Variants in POC1A observed in about 807,000 individuals in gnomAD.
POC1A encodes POC1 centriolar protein homolog A.
POC1A carries 34 observed loss-of-function variants against 47.8 expected under a neutral mutation model. That is an observed-to-expected ratio of 0.71 (90% confidence interval 0.54 to 0.95). The LOEUF (loss-of-function observed/expected upper bound fraction) is 0.95, where lower values mean the gene tolerates loss of function less well. Among genes scored for constraint, POC1A ranks in the 40% least tolerant of loss-of-function variants. The pLI is 0.00. For missense variants in POC1A, 466 were observed against 528.3 expected, an observed-to-expected ratio of 0.88 and a Z score of 1.16; for synonymous variants, 177 against 207.6, an observed-to-expected ratio of 0.85 and a Z score of 1.27.
chr3:52,105,390 C>G (rs1219479859), intron 9 of POC1A, among the ~76,000 whole-genome samples: 3 of 152,244 alleles, frequency 2.0e-5, no homozygotes, highest in Non-Finnish European at 4.4e-5. Context: ...TTTCTTAGTC[C>G]TGGCCTCAGG....
intron 9 of POC1A, among the ~76,000 whole-genome samples, chr3:52,119,895 G>A (rs1415944341): frequency 6.6e-6 from 1 of 152,216 alleles, no homozygotes; most frequent in South Asian, 2.1e-4. Context: ...GCCAGTACAT[G>A]GACAGTGCTG....
At chr3:52,117,899 T>C (rs1703625816) in intron 9 of POC1A, among the ~76,000 whole-genome samples, 1 of 152,186 alleles carries the variant, frequency 6.6e-6, no homozygotes, top group Non-Finnish European at 1.5e-5. Context: ...GTCCGTCCTA[T>C]AGTGGCAGGG....
chr3:52,124,649 T>C (rs113250215), intron 8 of POC1A, among the ~76,000 whole-genome samples: 57 of 152,284 alleles, frequency 3.7e-4, no homozygotes, highest in Middle Eastern at 6.8e-3. Context: ...AGTTTCCTCA[T>C]CTACCGCACG....
At chr3:52,151,501 C>T (rs1698554427) in intron 1 of POC1A, among the ~76,000 whole-genome samples, 1 of 151,544 alleles carries the variant, frequency 6.6e-6, no homozygotes, top group South Asian at 2.1e-4. Context: ...ATCCCAGTTA[C>T]TCAGGAGGCT....
chr3:52,085,137 G>A (rs944051575), intron 10 of POC1A, among the ~76,000 whole-genome samples: 3 of 152,134 alleles, frequency 2.0e-5, no homozygotes, highest in South Asian at 2.1e-4. Context: ...CCCCCCTGGC[G>A]GCCACACTGG....
At chr3:52,142,506 G>A (rs943807263) in intron 6 of POC1A, among the ~76,000 whole-genome samples, 21 of 152,204 alleles carry the variant, frequency 1.4e-4, no homozygotes, top group Non-Finnish European at 2.6e-4. Context: ...GCAGGAACAG[G>A]AAGTGCCCTC....
At chr3:52,104,471 G>A (rs746777888) in intron 9 of POC1A, among the ~76,000 whole-genome samples, 8 of 152,160 alleles carry the variant, frequency 5.3e-5, no homozygotes, top group Non-Finnish European at 1.0e-4. Flanking sequence ...GTTACTATTC[G>A]TAAATTATAA....
At chr3:52,128,001 T>C (rs1194125464) in intron 7 of POC1A, among the ~76,000 whole-genome samples, 1 of 152,164 alleles carries the variant, frequency 6.6e-6, no homozygotes, top group Non-Finnish European at 1.5e-5. Context: ...TGGCCTACTT[T>C]GAATTTTTTA....
intron 5 of POC1A, 126 bp downstream of exon 5, chr3:52,146,862 G>C (rs1698380456): frequency 5.3e-6 from 4 of 759,232 alleles, no homozygotes; most frequent in Non-Finnish European, 9.3e-6. Flanking sequence ...ACCAGACAAG[G>C]GGCAGCAGTG....
At chr3:52,078,912 C>T (rs978411437) in intron 10 of POC1A, among the ~76,000 whole-genome samples, 1 of 152,246 alleles carries the variant, frequency 6.6e-6, no homozygotes, top group African/African-American at 2.4e-5. Context: ...AGTGGAGACA[C>T]ACTCAGGGCT....
intron 10 of POC1A, among the ~76,000 whole-genome samples, chr3:52,080,213 C>A (rs888190256): frequency 2.0e-5 from 3 of 152,206 alleles, no homozygotes; most frequent in African/African-American, 7.2e-5. Flanking sequence ...GGCTGTGAGC[C>A]TAGGTGGCCT....
At chr3:52,151,367 G>A (rs1417864388) in intron 1 of POC1A, among the ~76,000 whole-genome samples, 2 of 151,944 alleles carry the variant, frequency 1.3e-5, no homozygotes, top group Non-Finnish European at 2.9e-5. Flanking sequence ...ACAAAATCAA[G>A]ACACAAAAAT....
intron 7 of POC1A, among the ~76,000 whole-genome samples, chr3:52,127,491 C>T (rs1446689087): frequency 6.7e-6 from 1 of 150,024 alleles, no homozygotes; most frequent in African/African-American, 2.5e-5. Flanking sequence ...CCTGGGTTCA[C>T]GCCATTCTCC....
intron 7 of POC1A, among the ~76,000 whole-genome samples, chr3:52,125,833 C>T (rs879185914): frequency 2.0e-5 from 3 of 152,306 alleles, no homozygotes. Context: ...TGAAGGTCTG[C>T]GTGACCATCT....
In POC1A at chr3:52,145,906, T is replaced by G. The variant is rs749016718; in HGVS notation, c.619A>C (p.Met207Leu). ...PSGTCIAAAG[M>L]DNTVKVWDVR... Reference sequence around the variant, plus strand: ...TCCCACACCTTCACTGTGTTGTCCATGCCGGCAGCGGCAATGCACGTCCCA... The same window carrying G: ...TCCCACACCTTCACTGTGTTGTCCAGGCCGGCAGCGGCAATGCACGTCCCA... The change falls in exon 6 of 11, where the codon ATG becomes CTG. Residue 207 changes from methionine to leucine, a missense_variant. By Grantham distance (15) the Met-to-Leu change is conservative. Coordinates refer to ENST00000296484, the MANE Select transcript of POC1A (RefSeq NM_015426.5). 1.2e-6 allele frequency: 2 copies of G among 1,614,034 alleles called. No individual in the cohort carries two copies. The highest frequency in any genetic ancestry group is 1.7e-6 in the Non-Finnish European group (2 of 1,179,984).
At chr3:52,083,097 G>A (rs1357974101) in intron 10 of POC1A, among the ~76,000 whole-genome samples, 2 of 152,126 alleles carry the variant, frequency 1.3e-5, no homozygotes, top group African/African-American at 4.8e-5. Context: ...GGGTGGCTGG[G>A]GGGAGAGCCT....
intron 9 of POC1A, among the ~76,000 whole-genome samples, chr3:52,097,506 A>G (rs1702860498): frequency 1.3e-5 from 2 of 152,194 alleles, no homozygotes; most frequent in Admixed American, 1.3e-4. Context: ...AGTGCTGTGC[A>G]CATGTTCAGT....
intron 10 of POC1A, among the ~76,000 whole-genome samples, chr3:52,093,433 A>G (rs538546590): frequency 6.6e-6 from 1 of 152,218 alleles, no homozygotes; most frequent in South Asian, 2.1e-4. Flanking sequence ...TGGGAGAGCT[A>G]TTTCTGGTGC....
rs201766579 is a variant in POC1A, at chr3:52,119,393, C to CT, written c.981+2985dup. On this transcript the variant is annotated intron_variant, in intron 9 of 10. Coordinates refer to ENST00000296484, the MANE Select transcript of POC1A (RefSeq NM_015426.5). The stretch of plus-strand genomic sequence containing the variant: ...AGGGACATTTGGCAGCATCAGAAGA[C>CT]TTTTTTTTTTTTTTTCCCAGAGACA... Among the ~76,000 whole-genome samples, 458 of 143,164 alleles carry CT rather than the reference C, an allele frequency of 3.2e-3. 1 individual carries two copies. The highest frequency in any genetic ancestry group is 6.9e-3 in the African/African-American group (269 of 39,200). The allele number at this position is 143,164 out of a possible 152,430, so 93.9% of individuals were successfully genotyped here.
Sources: allele counts gnomAD v4.1 joint callset (sites outside exome capture counted in the v4.1 genomes callset), GRCh38; gene constraint gnomAD v4.1.1; transcripts MANE v1.5; gene names NCBI Gene and HGNC (gene_info 2026-07-23, HGNC 2026-07-21).